CATSPERQ: variants seen among roughly 807,000 people sequenced by gnomAD.
CATSPERQ encodes cation channel sperm-associated auxiliary subunit theta.
At chr8:144,353,820 C>T in the CATSPERQ span, 5 of 1,535,466 alleles carry the variant, frequency 3.3e-6, no homozygotes, top group Admixed American at 2.0e-5. Context: ...GGGGCTCCAA[C>T]CTGTGGCCGC....
the CATSPERQ span, chr8:144,354,821 T>TGCCCACA: frequency 6.6e-7 from 1 of 1,514,806 alleles, no homozygotes; most frequent in Non-Finnish European, 8.8e-7. This position sits in a 1 kb window ranked among gnomAD's most constrained non-coding sequence, Gnocchi z 4.6. Flanking sequence ...CGCCGCCCAC[T>TGCCCACA]GCCCACAGCG....
chr8:144,354,667 C>T, the CATSPERQ span: 4 of 1,535,178 alleles, frequency 2.6e-6, no homozygotes, highest in Non-Finnish European at 3.5e-6. This position sits in a 1 kb window ranked among gnomAD's most constrained non-coding sequence, Gnocchi z 4.6. Context: ...CTTGAGGCGT[C>T]TGGCCAGGTG....
At chr8:144,354,811 C>A in the CATSPERQ span, 1 of 1,520,918 alleles carries the variant, frequency 6.6e-7, no homozygotes, top group Non-Finnish European at 8.8e-7. The surrounding 1 kb of genome is among the most constrained non-coding windows in gnomAD (Gnocchi z 4.6). Flanking sequence ...CGTCCGCTGC[C>A]GCCGCCCACT....
chr8:144,354,503 C>T, the CATSPERQ span: 16 of 1,396,914 alleles, frequency 1.1e-5, no homozygotes, highest in Non-Finnish European at 1.5e-5. The surrounding 1 kb of genome is among the most constrained non-coding windows in gnomAD (Gnocchi z 4.6). Context: ...GGGCCCTGGC[C>T]CTGCCTCTGC....
the CATSPERQ span, chr8:144,353,469 T>C: frequency 6.5e-7 from 1 of 1,535,752 alleles, no homozygotes; most frequent in South Asian, 1.2e-5. Context: ...GGTGGCCAGG[T>C]AGTCGAAGTA....
the CATSPERQ span, chr8:144,353,696 G>A: frequency 7.9e-6 from 12 of 1,509,662 alleles, no homozygotes; most frequent in South Asian, 1.3e-4. Flanking sequence ...CTCTGCGTGC[G>A]GAAACGGCCC....
the CATSPERQ span, chr8:144,354,896 G>A: frequency 1.7e-5 from 24 of 1,409,864 alleles, no homozygotes; most frequent in Non-Finnish European, 2.2e-5. This position sits in a 1 kb window ranked among gnomAD's most constrained non-coding sequence, Gnocchi z 4.6. Flanking sequence ...GGAGCTCACA[G>A]GCGACTGACA....
the CATSPERQ span, chr8:144,353,565 G>C: frequency 1.3e-6 from 2 of 1,506,514 alleles, no homozygotes; most frequent in Non-Finnish European, 8.9e-7. Context: ...GGCCGGGACA[G>C]GACAGACCCG....
At chr8:144,354,766 A>T in the CATSPERQ span, 1 of 1,534,850 alleles carries the variant, frequency 6.5e-7, no homozygotes, top group Non-Finnish European at 8.7e-7. The surrounding 1 kb of genome is among the most constrained non-coding windows in gnomAD (Gnocchi z 4.6). Flanking sequence ...GCCCTTAGGC[A>T]TCTGAGTCAG....
At chr8:144,354,578 A>ACCCCCCCCCCCCCCCCCCCCC in the CATSPERQ span, 1 of 221,146 alleles carries the variant, frequency 4.5e-6, no homozygotes, top group Non-Finnish European at 7.0e-6. The surrounding 1 kb of genome is among the most constrained non-coding windows in gnomAD (Gnocchi z 4.6). Context: ...CGCCCTTCCC[A>ACCCCCCCCCCCCCCCCCCCCC]GCCCCGCCCC....
the CATSPERQ span, chr8:144,353,910 C>T: frequency 6.5e-7 from 1 of 1,528,724 alleles, no homozygotes; most frequent in South Asian, 1.2e-5. Flanking sequence ...CTCCGACCTC[C>T]CAAGCTGCCT....
chr8:144,353,781 G>A, the CATSPERQ span: 5 of 1,535,338 alleles, frequency 3.3e-6, no homozygotes, highest in African/African-American at 2.7e-5. Context: ...GACCCACCTC[G>A]TAGTGCTCCG....
At chr8:144,353,705 C>A in the CATSPERQ span, 13 of 1,518,602 alleles carry the variant, frequency 8.6e-6, no homozygotes, top group African/African-American at 1.8e-4. Flanking sequence ...CGGAAACGGC[C>A]CCACCCAAAG....
the CATSPERQ span, chr8:144,354,227 G>C: frequency 6.5e-7 from 1 of 1,545,688 alleles, no homozygotes; most frequent in Non-Finnish European, 8.7e-7. The surrounding 1 kb of genome is among the most constrained non-coding windows in gnomAD (Gnocchi z 4.6). Context: ...TCGGGCCCAG[G>C]GGCTCACACC....
the CATSPERQ span, chr8:144,354,765 C>T: frequency 3.3e-6 from 5 of 1,534,870 alleles, no homozygotes; most frequent in Admixed American, 2.0e-5. The surrounding 1 kb of genome is among the most constrained non-coding windows in gnomAD (Gnocchi z 4.6). Context: ...GGCCCTTAGG[C>T]ATCTGAGTCA....
chr8:144,353,943 C>T, the CATSPERQ span: 7 of 1,530,290 alleles, frequency 4.6e-6, no homozygotes, highest in Non-Finnish European at 6.1e-6. Flanking sequence ...CGCACCCTCC[C>T]GGCCCGTTAC....
chr8:144,354,493 G>A, the CATSPERQ span: 2 of 1,365,922 alleles, frequency 1.5e-6, no homozygotes, highest in African/African-American at 1.5e-5. The surrounding 1 kb of genome is among the most constrained non-coding windows in gnomAD (Gnocchi z 4.6). Context: ...GCCCCACCCA[G>A]GGCCCTGGCC....
At chr8:144,353,257 G>A in the CATSPERQ span, 4 of 1,393,690 alleles carry the variant, frequency 2.9e-6, no homozygotes, top group Non-Finnish European at 3.8e-6. Flanking sequence ...TGAAAGGAAG[G>A]CCAGTGAGTG....
the CATSPERQ span, chr8:144,354,574 T>TACCCCCCCCCCC: frequency 3.1e-6 from 1 of 322,968 alleles, no homozygotes; most frequent in Non-Finnish European, 5.4e-6. The surrounding 1 kb of genome is among the most constrained non-coding windows in gnomAD (Gnocchi z 4.6). Flanking sequence ...GCCCCGCCCT[T>TACCCCCCCCCCC]CCCAGCCCCG....
Sources: gnomAD v4.1 joint callset for allele counts on GRCh38, gnomAD v4.1.1 for gene constraint, Gnocchi (gnomAD v3.1) non-coding constraint, MANE v1.5 for transcripts, NCBI Gene and HGNC (gene_info 2026-07-23, HGNC 2026-07-21) for gene names.